The following DNM3 variants were observed in gnomAD, a reference collection of about 807,000 sequenced individuals.
The protein encoded by DNM3 is dynamin 3.
Under a neutral mutation model 101.6 loss-of-function variants are expected in DNM3, and 47 were observed. That is an observed-to-expected ratio of 0.46 (90% CI 0.37 to 0.59). DNM3 has a LOEUF of 0.59. Among genes scored for constraint, DNM3 ranks in the 20% least tolerant of loss-of-function variants. The pLI is 0.00. For missense variants in DNM3, 849 were observed against 1,085.7 expected (o/e 0.78, Z 3.06); for synonymous variants, 385 against 387.9 (o/e 0.99, Z 0.09).
intron 2 of DNM3, among the ~76,000 whole-genome samples, chr1:171,985,003 G>A (rs1203168751): frequency 6.6e-6 from 1 of 152,112 alleles, no homozygotes; most frequent in African/African-American, 2.4e-5. Flanking sequence ...TTTGAAAATT[G>A]CATTGATTTT....
In DNM3 at chr1:172,048,681, G is replaced by A. The variant is rs376427693; in HGVS notation, c.1266G>A (p.Gly422=). The A allele has an allele frequency of 1.2e-6, 2 of 1,613,476 alleles. No homozygotes were observed. Among genetic ancestry groups the A allele is most frequent in the African/African-American group, 1.3e-5 (1 of 74,890 alleles). Residue 422 remains glycine, a synonymous_variant, in exon 10 of 21, where the codon GGG becomes GGA. Coordinates refer to ENST00000627582, the MANE Select transcript of DNM3 (RefSeq NM_015569.5). Reference sequence around the variant, plus strand: ...AGAAACAGATTGTAAAGTTGAAAGGGCCTTCCTTGAAGAGTGTGGATCTGG... The same window carrying A: ...AGAAACAGATTGTAAAGTTGAAAGGACCTTCCTTGAAGAGTGTGGATCTGG... ...IVKKQIVKLK[G]PSLKSVDLVI...
intron 15 of DNM3, among the ~76,000 whole-genome samples, chr1:172,295,004 A>G (rs1013657260): frequency 1.3e-5 from 2 of 152,150 alleles, no homozygotes; most frequent in East Asian, 3.8e-4. Context: ...GTCATACACA[A>G]CAAAGATGGA....
intron 16 of DNM3, among the ~76,000 whole-genome samples, chr1:172,313,398 G>A (rs1224389293): frequency 1.3e-5 from 2 of 152,188 alleles, no homozygotes; most frequent in Non-Finnish European, 2.9e-5. Context: ...ATAAATAAAT[G>A]TGAATTTGAT....
intron 1 of DNM3, among the ~76,000 whole-genome samples, chr1:171,884,717 G>A (rs913410108): frequency 1.3e-5 from 2 of 152,138 alleles, no homozygotes; most frequent in African/African-American, 2.4e-5. Flanking sequence ...ATCCTTCAAC[G>A]GGCTAGTTCA....
intron 14 of DNM3, among the ~76,000 whole-genome samples, chr1:172,162,199 A>G (rs1363901241): frequency 1.3e-5 from 2 of 152,104 alleles, no homozygotes; most frequent in African/African-American, 4.8e-5. Context: ...TTTCTTGCCT[A>G]ACCTCTGCTT....
intron 13 of DNM3, 29 bp downstream of exon 13, chr1:172,092,904 T>C (rs2054007376): frequency 6.5e-7 from 1 of 1,534,808 alleles, no homozygotes; most frequent in Non-Finnish European, 8.8e-7. Context: ...AATCAGTGTA[T>C]GCATGTCCCA....
chr1:172,318,891 A>G (rs983147743), intron 16 of DNM3, among the ~76,000 whole-genome samples: 26 of 152,330 alleles, frequency 1.7e-4, no homozygotes, highest in Admixed American at 4.6e-4. Flanking sequence ...AAACTACTTT[A>G]AAGTTCATGT....
Position 172,186,814 on chromosome 1 carries a change from T to C in DNM3, c.1659+55526T>C, listed in dbSNP as rs557095417. 1.3e-3 allele frequency among the ~76,000 whole-genome samples: 195 copies of C among 152,154 alleles called. 1 individual carries two copies. The highest frequency in any genetic ancestry group is 2.3e-3 in the Non-Finnish European group (155 of 68,016). On this transcript the variant is annotated intron_variant, in intron 14 of 20. Transcript: ENST00000627582. The stretch of plus-strand genomic sequence containing the variant: ...TTAAGAACATCGTAGGAGTTATAGA[T>C]GTTTTCCTTAGGCTATTGCACACAT...
chr1:172,004,918 G>A (rs891429999), intron 4 of DNM3, among the ~76,000 whole-genome samples: 1 of 152,194 alleles, frequency 6.6e-6, no homozygotes, highest in East Asian at 1.9e-4. Context: ...GGAGGAAGCA[G>A]GCAGCATGTT....
At chr1:171,931,769 A>G (rs1046584560) in intron 2 of DNM3, among the ~76,000 whole-genome samples, 6 of 152,112 alleles carry the variant, frequency 3.9e-5, no homozygotes, top group Non-Finnish European at 8.8e-5. Flanking sequence ...TGCTTTAAAT[A>G]TCTCACCTGG....
At chr1:171,927,619 C>T (rs1002042315) in intron 2 of DNM3, among the ~76,000 whole-genome samples, 1 of 152,066 alleles carries the variant, frequency 6.6e-6, no homozygotes, top group Non-Finnish European at 1.5e-5. Context: ...ACCTAAATGC[C>T]CACGAATGAC....
At chr1:172,253,332 TGG>T (rs2062257663) in intron 14 of DNM3, among the ~76,000 whole-genome samples, 2 of 152,104 alleles carry the variant, frequency 1.3e-5, no homozygotes, top group Non-Finnish European at 2.9e-5. Context: ...TGAGAATCAC[TGG>T]GGCCTCCTAT....
At chr1:172,301,366 G>A (rs1211412795) in intron 15 of DNM3, among the ~76,000 whole-genome samples, 2 of 150,800 alleles carry the variant, frequency 1.3e-5, no homozygotes, top group African/African-American at 4.9e-5. Flanking sequence ...CTTGGGTGTG[G>A]TGGCACATGC....
At chr1:172,349,288 A>G (rs1192177330) in intron 17 of DNM3, among the ~76,000 whole-genome samples, 7 of 152,318 alleles carry the variant, frequency 4.6e-5, no homozygotes, top group Non-Finnish European at 8.8e-5. Flanking sequence ...TCATGTGTAA[A>G]CTGGGATAAT....
intron 14 of DNM3, among the ~76,000 whole-genome samples, chr1:172,197,066 CCTTGAGTTGATTTTTGTATAT>C (rs1220157973): frequency 1.3e-5 from 2 of 151,800 alleles, no homozygotes; most frequent in Admixed American, 1.3e-4. Flanking sequence ...CTTTAATCCA[CCTTGAGTTGATTTTTGTATAT>C]GGTGTAAGGA....
intron 2 of DNM3, among the ~76,000 whole-genome samples, chr1:171,983,786 A>G (rs1010899572): frequency 6.6e-6 from 1 of 152,186 alleles, no homozygotes. Flanking sequence ...CATCTTCTGG[A>G]AATTTTTCAG....
chr1:172,036,452 G>A (rs1265315191), intron 6 of DNM3, among the ~76,000 whole-genome samples: 1 of 151,834 alleles, frequency 6.6e-6, no homozygotes, highest in Non-Finnish European at 1.5e-5. Context: ...CAGAGATATA[G>A]ATCAATGGAA....
chr1:172,076,096 C>T (rs778114090), intron 11 of DNM3, among the ~76,000 whole-genome samples: 1 of 152,164 alleles, frequency 6.6e-6, no homozygotes, highest in Admixed American at 6.5e-5. Flanking sequence ...GGAGTTCGCT[C>T]ATGATTTGGC....
intron 15 of DNM3, among the ~76,000 whole-genome samples, chr1:172,282,691 T>C (rs1285765226): frequency 2.0e-5 from 3 of 152,222 alleles, no homozygotes; most frequent in African/African-American, 7.2e-5. Context: ...CAGTCTGACT[T>C]TATCTGTGTC....
Sources: allele counts gnomAD v4.1 joint callset (sites outside exome capture counted in the v4.1 genomes callset), GRCh38; gene constraint gnomAD v4.1.1; transcripts MANE v1.5; gene names NCBI Gene and HGNC (gene_info 2026-07-23, HGNC 2026-07-21).